TRPM3: variants seen among roughly 807,000 people sequenced by gnomAD.
TRPM3 encodes the protein long transient receptor potential channel 3.
Under a neutral mutation model 181.2 loss-of-function variants are expected in TRPM3, and 77 were observed. The ratio of observed to expected loss-of-function variants is 0.42; its 90% CI spans 0.35 to 0.51. The LOEUF (loss-of-function observed/expected upper bound fraction) is 0.51, where lower values mean the gene tolerates loss of function less well. Among genes scored for constraint, TRPM3 ranks in the 20% least tolerant of loss-of-function variants. The pLI is 0.01. For synonymous variants in TRPM3, 745 were observed against 796.4 expected, an observed-to-expected ratio of 0.94 and a Z score of 1.09; for missense variants, 1,759 against 2,196.7, an observed-to-expected ratio of 0.80 and a Z score of 3.98.
intron 1 of TRPM3, among the ~76,000 whole-genome samples, chr9:71,203,151 G>A (rs1476071149): frequency 6.6e-6 from 1 of 152,174 alleles, no homozygotes; most frequent in Non-Finnish European, 1.5e-5. Flanking sequence ...GACTGATACT[G>A]TCTAAGGGAG....
At chr9:70,868,398 C>T (rs970757301) in intron 1 of TRPM3, among the ~76,000 whole-genome samples, 13 of 152,010 alleles carry the variant, frequency 8.6e-5, no homozygotes, top group African/African-American at 3.1e-4. Flanking sequence ...GTTAAATATA[C>T]AGTCAATAAA....
At chr9:71,446,932 G>C (rs1198535014), upstream of TRPM3, 2 of 1,256,142 alleles carry the variant, frequency 1.6e-6, no homozygotes, top group East Asian at 3.0e-5. Context: ...CGCGGCTCTC[G>C]GTTGGCGCTG....
chr9:70,779,433 T>C (rs1452490722), intron 7 of TRPM3, among the ~76,000 whole-genome samples: 1 of 152,182 alleles, frequency 6.6e-6, no homozygotes, highest in Non-Finnish European at 1.5e-5. Context: ...GAGCACCATT[T>C]TGGAACACAA....
intron 1 of TRPM3, among the ~76,000 whole-genome samples, chr9:71,228,989 C>T (rs1239102192): frequency 6.6e-6 from 1 of 151,986 alleles, no homozygotes; most frequent in Non-Finnish European, 1.5e-5. Flanking sequence ...TGTGGAATCA[C>T]TTAAGACTCA....
chr9:70,937,270 T>C (rs995413803), intron 1 of TRPM3, among the ~76,000 whole-genome samples: 2 of 152,172 alleles, frequency 1.3e-5, no homozygotes, highest in South Asian at 2.1e-4. Flanking sequence ...TCCATTCTAT[T>C]CTCTAGTTTC....
intron 1 of TRPM3, among the ~76,000 whole-genome samples, chr9:71,310,601 T>A (rs2087832719): frequency 6.6e-6 from 1 of 152,088 alleles, no homozygotes; most frequent in African/African-American, 2.4e-5. Flanking sequence ...CCAGAGCACA[T>A]CTTCTCACCC....
At position 70,591,018 on chromosome 9, in the gene TRPM3, T is replaced by C; in HGVS notation, c.3223+13A>G. 2 of 1,614,146 alleles carry C rather than the reference T, an allele frequency of 1.2e-6. No homozygotes were observed. The highest frequency in any genetic ancestry group is 1.3e-5 in the African/African-American group (1 of 75,032). ...ACCTGACTTTGGTGTATGAGAATCA[T>C]AAACTTGCTTACGGTCTATCTGGTC... On this transcript the variant is annotated intron_variant, in intron 22 of 25. Transcript: ENST00000677713.
At chr9:70,812,072 C>A (rs568639589) in intron 6 of TRPM3, among the ~76,000 whole-genome samples, 1 of 152,174 alleles carries the variant, frequency 6.6e-6, no homozygotes, top group Non-Finnish European at 1.5e-5. Flanking sequence ...GCTAAGCAAG[C>A]TAGCCTTTGG....
chr9:70,957,183 C>A (rs752184221), intron 1 of TRPM3, among the ~76,000 whole-genome samples: 15 of 151,996 alleles, frequency 9.9e-5, no homozygotes, highest in Non-Finnish European at 1.8e-4. Flanking sequence ...AGGGTGGTCT[C>A]AAACTCCTGA....
chr9:71,323,493 A>T (rs765580646), intron 1 of TRPM3, among the ~76,000 whole-genome samples: 28 of 152,152 alleles, frequency 1.8e-4, no homozygotes, highest in Non-Finnish European at 3.7e-4. Context: ...CAAACTAGTA[A>T]GAATTATACT....
At chr9:71,118,380 C>T (rs751723467) in intron 1 of TRPM3, among the ~76,000 whole-genome samples, 8 of 152,156 alleles carry the variant, frequency 5.3e-5, no homozygotes, top group Non-Finnish European at 8.8e-5. Flanking sequence ...CAGATATCGG[C>T]CTTCCCCTTC....
At chr9:70,836,693 C>T (rs1052483449) in intron 5 of TRPM3, among the ~76,000 whole-genome samples, 2 of 152,146 alleles carry the variant, frequency 1.3e-5, no homozygotes, top group Admixed American at 6.6e-5. Context: ...TTGTCCTCTG[C>T]TCATCCATTA....
intron 17 of TRPM3, among the ~76,000 whole-genome samples, 176 bp from the exon 18 acceptor site, chr9:70,616,251 A>G (rs573388573): frequency 3.3e-5 from 5 of 152,172 alleles, no homozygotes; most frequent in East Asian, 3.9e-4. Flanking sequence ...CTGAGTAACT[A>G]ACATATTAAC....
At position 71,363,677 on chromosome 9, in the gene TRPM3, A is replaced by C. The variant is rs147304439; in HGVS notation, c.183+82976T>G. Among the ~76,000 whole-genome samples the C allele has an allele frequency of 1.7e-3, 259 of 152,258 alleles. 3 individuals carry two copies. Among genetic ancestry groups the C allele is most frequent in the Admixed American group, 0.013 (204 of 15,278 alleles). ...TAAGCTAACTCATTCTCACCCATCA[A>C]GTCTTAGCTTATACGCACTGCACTT... is the stretch of plus-strand genomic sequence containing the variant. On this transcript the variant is annotated intron_variant, in intron 1 of 24. Coordinates refer to the TRPM3 transcript ENST00000357533.
At chr9:71,103,391 C>T (rs1317178735) in intron 1 of TRPM3, among the ~76,000 whole-genome samples, 1 of 152,194 alleles carries the variant, frequency 6.6e-6, no homozygotes, top group African/African-American at 2.4e-5. Context: ...GCTAGTCTCT[C>T]AACCTGCTGA....
chr9:71,061,334 T>C (rs541693574), intron 1 of TRPM3, among the ~76,000 whole-genome samples: 1 of 152,112 alleles, frequency 6.6e-6, no homozygotes, highest in Non-Finnish European at 1.5e-5. Flanking sequence ...CCCAATCATA[T>C]AGTCCTCAAA....
At chr9:71,412,706 T>C (rs1192638431) in intron 1 of TRPM3, among the ~76,000 whole-genome samples, 1 of 152,162 alleles carries the variant, frequency 6.6e-6, no homozygotes, top group Non-Finnish European at 1.5e-5. Flanking sequence ...CTCAAGGATC[T>C]AGAACTAGAA....
At chr9:70,648,528 G>C (rs2059195155) in intron 9 of TRPM3, among the ~76,000 whole-genome samples, 1 of 151,908 alleles carries the variant, frequency 6.6e-6, no homozygotes, top group Non-Finnish European at 1.5e-5. Context: ...AGCCTGAATA[G>C]CCAAAACAAT....
intron 1 of TRPM3, among the ~76,000 whole-genome samples, chr9:71,196,702 T>A (rs1329128752): frequency 6.6e-6 from 1 of 152,048 alleles, no homozygotes; most frequent in Non-Finnish European, 1.5e-5. Context: ...AGGGAACTTC[T>A]TTTTCTTTCC....
Sources: allele counts gnomAD v4.1 joint callset (sites outside exome capture counted in the v4.1 genomes callset), GRCh38; gene constraint gnomAD v4.1.1; transcripts MANE v1.5; gene names NCBI Gene and HGNC (gene_info 2026-07-23, HGNC 2026-07-21).